Variants in SULT6B1 observed in about 807,000 individuals in gnomAD.
SULT6B1 encodes the protein sulfotransferase family 6B member 1, also known as sulfotransferase 6B1.
SULT6B1 carries 44 observed loss-of-function variants against 37.2 expected under a neutral mutation model. That is an observed-to-expected ratio of 1.18 (90% CI 0.93 to 1.52). SULT6B1 has a LOEUF of 1.52. Among genes scored for constraint, SULT6B1 ranks in the 40% most tolerant of loss-of-function variants. The probability of loss-of-function intolerance (pLI) is 0.00; values close to 1 mark genes in which losing one functional copy is unlikely to be tolerated. For synonymous variants in SULT6B1, 140 were observed against 126.0 expected (o/e 1.11, Z -0.74); for missense variants, 450 against 361.0 (o/e 1.25, Z -2.00).
At chr2:37,183,073 G>A (rs759411122) in intron 3 of SULT6B1, among the ~76,000 whole-genome samples, 15 of 152,016 alleles carry the variant, frequency 9.9e-5, no homozygotes, top group Non-Finnish European at 1.5e-5. Flanking sequence ...GGTAAATAGT[G>A]CTCACCAGAA....
At chr2:37,184,763 C>T (rs375088809) in intron 2 of SULT6B1, among the ~76,000 whole-genome samples, 72 of 151,606 alleles carry the variant, frequency 4.7e-4, no homozygotes, top group African/African-American at 1.6e-3. Context: ...ACCCGGGAGG[C>T]GGATGTTGCG....
At chr2:37,191,029 A>G (rs1676769334), upstream of SULT6B1, 2 of 152,104 alleles carry the variant, frequency 1.3e-5, no homozygotes, top group South Asian at 2.1e-4. Flanking sequence ...AGGGGAGGGA[A>G]AGAAAGTGAG....
At chr2:37,190,283 T>C (rs1471677533), upstream of SULT6B1, among the ~76,000 whole-genome samples, 1 of 152,242 alleles carries the variant, frequency 6.6e-6, no homozygotes, top group Non-Finnish European at 1.5e-5. Flanking sequence ...TCTTTCTTCT[T>C]ATGCTTCTTC....
upstream of SULT6B1, among the ~76,000 whole-genome samples, chr2:37,190,701 G>T (rs1676763685): frequency 6.6e-6 from 1 of 152,182 alleles, no homozygotes; most frequent in East Asian, 1.9e-4. Flanking sequence ...TTTTAAAATT[G>T]ACCATAGCGT....
intron 5 of SULT6B1, among the ~76,000 whole-genome samples, chr2:37,172,419 CA>C (rs1465218248): frequency 6.6e-6 from 1 of 152,100 alleles, no homozygotes; most frequent in Non-Finnish European, 1.5e-5. Context: ...CTATGGTGCA[CA>C]AGTTTCAGAA....
chr2:37,172,818 A>G (rs1676334486), intron 5 of SULT6B1, among the ~76,000 whole-genome samples: 2 of 90,002 alleles, frequency 2.2e-5, no homozygotes, highest in African/African-American at 9.1e-5. Flanking sequence ...TAAACCATAC[A>G]TTTGCTTGTT....
chr2:37,167,974 G>A lies in SULT6B1; in HGVS notation c.873C>T (p.Leu291=), dbSNP rs540403440. 33 of 1,599,970 alleles carry A rather than the reference G, an allele frequency of 2.1e-5. No individual in the cohort carries two copies. Among genetic ancestry groups the A allele is most frequent in the South Asian group, 1.1e-4 (10 of 88,072 alleles). The change falls in exon 7 of 7, where the codon CTC becomes CTT. Residue 291 remains leucine, a synonymous_variant. Transcript: ENST00000535679. ...ATGATTCATACTTCAACTTTGCTCC[G>A]AGGGAGGTGCCTGCTAAGCACTCTT... ...KFKECLAGTS[L]GAKLKYESYC... is the part of the protein sequence containing the mutation.
intron 3 of SULT6B1, among the ~76,000 whole-genome samples, chr2:37,181,496 C>G (rs904581474): frequency 2.6e-5 from 4 of 152,078 alleles, no homozygotes; most frequent in African/African-American, 9.7e-5. Flanking sequence ...TCCTCCATCT[C>G]AGCCTCCCAA....
intron 4 of SULT6B1, among the ~76,000 whole-genome samples, chr2:37,179,026 T>A (rs112512753): frequency 6.6e-6 from 1 of 152,228 alleles, no homozygotes; most frequent in Admixed American, 6.5e-5. Flanking sequence ...TGGCGCCATC[T>A]CAGCTCACTG....
chr2:37,176,556 G>A (rs11884385), intron 4 of SULT6B1, among the ~76,000 whole-genome samples: 37 of 152,004 alleles, frequency 2.4e-4, no homozygotes, highest in African/African-American at 8.7e-4. Context: ...CACCCCGCTC[G>A]GCCTCAATAG....
chr2:37,176,609 T>G (rs937577952), intron 4 of SULT6B1, among the ~76,000 whole-genome samples: 1 of 152,140 alleles, frequency 6.6e-6, no homozygotes, highest in Non-Finnish European at 1.5e-5. Context: ...ATCATGATCA[T>G]TGTTATCATG....
intron 1 of SULT6B1, chr2:37,194,700 T>A (rs754118263): frequency 1.9e-5 from 4 of 209,388 alleles, no homozygotes; most frequent in South Asian, 7.1e-5. Flanking sequence ...GGCAGAATGG[T>A]CCATTTTCTT....
chr2:37,176,518 C>T (rs1229051168), intron 4 of SULT6B1, among the ~76,000 whole-genome samples: 1 of 152,054 alleles, frequency 6.6e-6, no homozygotes, highest in African/African-American at 2.4e-5. Flanking sequence ...CCTCGGCCAC[C>T]CAAAGTGCTG....
chr2:37,184,155 C>T (rs1676620213), intron 2 of SULT6B1, among the ~76,000 whole-genome samples: 1 of 152,182 alleles, frequency 6.6e-6, no homozygotes, highest in Non-Finnish European at 1.5e-5. Flanking sequence ...TACACACTTT[C>T]ACTTAATTTG....
At chr2:37,169,904 A>G (rs1676258576) in intron 6 of SULT6B1, among the ~76,000 whole-genome samples, 1 of 152,164 alleles carries the variant, frequency 6.6e-6, no homozygotes, top group African/African-American at 2.4e-5. Context: ...TGCTACCTCT[A>G]CATCTCATTA....
In SULT6B1 at chr2:37,167,910, T is replaced by A; in HGVS notation, c.*25A>T. On this transcript the variant is annotated 3_prime_UTR_variant, in exon 7 of 7. Coordinates refer to ENST00000535679, the MANE Select transcript of SULT6B1 (RefSeq NM_001367551.1). Reference sequence around the variant, plus strand: ...CTTAATTATTATTAAGGAAAATAAATCTAGGCCTGCTGAATTGACTGGAAT... The same window carrying A: ...CTTAATTATTATTAAGGAAAATAAAACTAGGCCTGCTGAATTGACTGGAAT... 6.5e-7 allele frequency: 1 copy of A among 1,540,304 alleles called. No homozygotes were observed.
intron 1 of SULT6B1, chr2:37,194,592 C>T (rs188097639): frequency 1.6e-4 from 58 of 369,738 alleles, no homozygotes; most frequent in African/African-American, 1.1e-3. Flanking sequence ...GCAAAATTTC[C>T]GGATCTCTTT....
At chr2:37,172,100 T>G (rs1470512399) in intron 5 of SULT6B1, among the ~76,000 whole-genome samples, 1 of 150,844 alleles carries the variant, frequency 6.6e-6, no homozygotes, top group East Asian at 1.9e-4. Flanking sequence ...CAGACTAGAG[T>G]GGTGCAAGGG....
chr2:37,177,452 A>T (rs1448092557), intron 4 of SULT6B1, among the ~76,000 whole-genome samples: 1 of 124,458 alleles, frequency 8.0e-6, no homozygotes, highest in Admixed American at 9.4e-5. Flanking sequence ...GAAAAAAAAG[A>T]GAAGAATACA....
Sources: allele counts gnomAD v4.1 joint callset (sites outside exome capture counted in the v4.1 genomes callset), GRCh38; gene constraint gnomAD v4.1.1; transcripts MANE v1.5; gene names NCBI Gene and HGNC (gene_info 2026-07-23, HGNC 2026-07-21).